Variants in HUWE1 observed in about 807,000 individuals in gnomAD.
The protein encoded by HUWE1 is HECT, UBA and WWE domain containing E3 ubiquitin protein ligase 1, also known as E3 ubiquitin-protein ligase HUWE1.
Under a neutral mutation model 299.4 loss-of-function variants are expected in HUWE1, and 18 were observed. The observed-to-expected ratio is 0.06, with a 90% CI of 0.04 to 0.09. The LOEUF (loss-of-function observed/expected upper bound fraction) is 0.09, where lower values mean the gene tolerates loss of function less well. Ranked by LOEUF, HUWE1 falls within the 10% of genes least tolerant of loss-of-function variation. HUWE1 has a pLI of 1.00. For synonymous variants in HUWE1, 1,317 were observed against 1,286.1 expected (o/e 1.02, Z -0.51); for missense variants, 1,832 against 3,462.3 (o/e 0.53, Z 11.82).
At chrX:53,639,851 T>C (rs1260377170) in intron 7 of HUWE1, among the ~76,000 whole-genome samples, 1 of 112,447 alleles carries the variant, frequency 8.9e-6, no homozygotes, top group African/African-American at 3.2e-5. Context: ...AGGTTTTATT[T>C]ATGACTTCCT....
At chrX:53,661,136 G>A (rs967371383) in intron 3 of HUWE1, among the ~76,000 whole-genome samples, 3 of 107,045 alleles carry the variant, frequency 2.8e-5, no homozygotes, top group South Asian at 4.2e-4. Flanking sequence ...CCGGGTTCAC[G>A]CCATTCTCCT....
chrX:53,674,288 T>C (rs781870163), intron 3 of HUWE1, among the ~76,000 whole-genome samples: 1 of 111,657 alleles, frequency 9.0e-6, no homozygotes, highest in Non-Finnish European at 1.9e-5. Flanking sequence ...ATGTTAACAG[T>C]GACTAAACAT....
At position 53,559,426 on chromosome X, in the gene HUWE1, T is replaced by C; in HGVS notation, c.7843A>G (p.Ile2615Val). 8.3e-7 allele frequency: 1 copy of C among 1,210,234 alleles called. No individual in the cohort carries two copies. Among genetic ancestry groups the C allele is most frequent in the Non-Finnish European group, 1.1e-6 (1 of 894,144 alleles). ...RLLVGNDDVHIIARSDDELLD... is the reference protein window; with the variant it reads ...RLLVGNDDVHVIARSDDELLD... ...AGCTCATCATCAGAACGGGCGATGA[T>C]GTGGACGTCATCGTTGCCTACCAGG... Residue 2615 changes from isoleucine (I) to valine (V), a missense_variant, in exon 57 of 84, where the codon ATC becomes GTC. Ile to Val is a conservative substitution (Grantham distance 29). This residue lies in a region of HUWE1 where 170 missense variants were observed against 335.8 expected (regional missense o/e 0.51). Coordinates refer to ENST00000262854, the MANE Select transcript of HUWE1 (RefSeq NM_031407.7).
At chrX:53,595,602 CAG>C (rs2064413123) in intron 29 of HUWE1, among the ~76,000 whole-genome samples, 199 bp from the exon 30 acceptor site, 2 of 111,806 alleles carry the variant, frequency 1.8e-5, no homozygotes, top group South Asian at 3.7e-4. Flanking sequence ...CGGTAGGAGA[CAG>C]ATATGTGGCA....
intron 3 of HUWE1, among the ~76,000 whole-genome samples, chrX:53,657,174 A>G (rs1302895523): frequency 2.7e-5 from 3 of 112,628 alleles, no homozygotes; most frequent in Non-Finnish European, 5.6e-5. Flanking sequence ...CAATCTCAGT[A>G]AACTAGGAAT....
chrX:53,663,443 G>A (rs1289974031), intron 3 of HUWE1, among the ~76,000 whole-genome samples: 1 of 110,994 alleles, frequency 9.0e-6, no homozygotes, highest in Non-Finnish European at 1.9e-5. Flanking sequence ...AACCCGGGAG[G>A]CGGAGGTTGC....
intron 62 of HUWE1, 52 bp from the exon 63 acceptor site, chrX:53,552,493 A>G (rs1224220577): frequency 2.5e-6 from 3 of 1,206,461 alleles, no homozygotes; most frequent in Non-Finnish European, 3.4e-6. Context: ...TCTCGTTTAT[A>G]AAACACTGCT....
intron 29 of HUWE1, among the ~76,000 whole-genome samples, chrX:53,596,577 T>C (rs2064488108): frequency 8.9e-6 from 1 of 112,328 alleles, no homozygotes; most frequent in Non-Finnish European, 1.9e-5. Context: ...CTGCTGATAC[T>C]GTGGTGAGCT....
chrX:53,597,551 T>C (rs972839130), intron 29 of HUWE1, among the ~76,000 whole-genome samples: 2 of 86,416 alleles, frequency 2.3e-5, no homozygotes, highest in African/African-American at 8.7e-5. Flanking sequence ...CAAGAAGGCC[T>C]GGGCAACAAG....
chrX:53,552,553 G>C, intron 62 of HUWE1, 85 bp downstream of exon 62: 1 of 1,199,316 alleles, frequency 8.3e-7, no homozygotes, highest in African/African-American at 1.7e-5. Context: ...AGCATAACAA[G>C]CATGTCCATT....
chrX:53,663,038 G>A (rs6638414), intron 3 of HUWE1, among the ~76,000 whole-genome samples: 45,460 of 111,445 alleles, frequency 0.41, 8,057 homozygotes, highest in Non-Finnish European at 0.54. Context: ...CACGAGAGAC[G>A]AAAGATGGCA....
At chrX:53,542,883 G>GTGTA in intron 73 of HUWE1, 1 of 195,137 alleles carries the variant, frequency 5.1e-6, no homozygotes, top group Non-Finnish European at 9.2e-6. Flanking sequence ...GTGTGTGTGT[G>GTGTA]TGTGTGTGTA....
chrX:53,659,870 T>TA (rs1421586813), intron 3 of HUWE1, among the ~76,000 whole-genome samples: 11 of 111,916 alleles, frequency 9.8e-5, no homozygotes, highest in African/African-American at 3.6e-4. Flanking sequence ...AAGTCTATTT[T>TA]AAAAAAACAA....
chrX:53,638,183 C>T (rs2067337025), intron 7 of HUWE1, among the ~76,000 whole-genome samples: 1 of 110,403 alleles, frequency 9.1e-6, no homozygotes, highest in African/African-American at 3.3e-5. Context: ...ACTAAAAATA[C>T]AAAAAAATTA....
At chrX:53,626,435 A>T (rs1449456921) in intron 17 of HUWE1, among the ~76,000 whole-genome samples, 2 of 111,720 alleles carry the variant, frequency 1.8e-5, no homozygotes, top group Non-Finnish European at 3.8e-5. Flanking sequence ...TTAATACTCA[A>T]TATTCCGATC....
chrX:53,595,745 T>A (rs1484891992), intron 29 of HUWE1, among the ~76,000 whole-genome samples: 3 of 111,676 alleles, frequency 2.7e-5, no homozygotes, highest in Non-Finnish European at 3.8e-5. Flanking sequence ...AGAAAACTTT[T>A]AAAATGCCAA....
chrX:53,598,122 A>G (rs868987814), intron 29 of HUWE1, among the ~76,000 whole-genome samples: 2 of 112,062 alleles, frequency 1.8e-5, no homozygotes, highest in Middle Eastern at 4.6e-3. Flanking sequence ...ACGTCTTGAT[A>G]GAGATGAGTG....
chrX:53,679,484 G>T (rs782291968), intron 3 of HUWE1, among the ~76,000 whole-genome samples: 12 of 112,195 alleles, frequency 1.1e-4, no homozygotes, highest in African/African-American at 3.6e-4. Flanking sequence ...GAGGGGGGCA[G>T]TGGTTAGAAG....
intron 3 of HUWE1, among the ~76,000 whole-genome samples, chrX:53,663,643 G>A (rs1185164341): frequency 2.7e-5 from 3 of 111,614 alleles, no homozygotes; most frequent in East Asian, 5.6e-4. Context: ...TTGAAAAGAC[G>A]GAGTAACTGT....
Sources: gnomAD v4.1 joint callset for allele counts (sites outside exome capture counted in the v4.1 genomes callset) on GRCh38, gnomAD v4.1.1 for gene constraint, gnomAD v4.1.1 regional missense constraint, MANE v1.5 for transcripts, NCBI Gene and HGNC (gene_info 2026-07-23, HGNC 2026-07-21) for gene names.